Variants in MYOZ1 observed in about 807,000 individuals in gnomAD.
MYOZ1 encodes the protein myozenin 1.
Under a neutral mutation model 28.7 loss-of-function variants are expected in MYOZ1, and 20 were observed. That is an observed-to-expected ratio of 0.70 (90% CI 0.49 to 1.01). The LOEUF (loss-of-function observed/expected upper bound fraction) is 1.01, where lower values mean the gene tolerates loss of function less well. MYOZ1 is among the 50% of genes least tolerant of loss of function. The pLI is 0.00. For missense variants in MYOZ1, 371 were observed against 372.4 expected, an observed-to-expected ratio of 1.00 and a Z score of 0.03; for synonymous variants, 144 against 145.8, an observed-to-expected ratio of 0.99 and a Z score of 0.09.
intron 5 of MYOZ1, among the ~76,000 whole-genome samples, chr10:73,633,082 A>C (rs1157349201): frequency 6.6e-6 from 1 of 152,094 alleles, no homozygotes; most frequent in African/African-American, 2.4e-5. Flanking sequence ...AGATCACCTG[A>C]GGTCAGGAGT....
intron 3 of MYOZ1, 125 bp from the exon 4 acceptor site, chr10:73,634,858 C>T: frequency 8.8e-7 from 1 of 1,139,478 alleles, no homozygotes; most frequent in Non-Finnish European, 1.2e-6. Context: ...CTGATATTTC[C>T]CCCTCCAGTT....
chr10:73,631,832 A>G lies in MYOZ1; in HGVS notation c.*98T>C. The G allele has an allele frequency of 9.4e-7, 1 of 1,058,896 alleles. No homozygotes were observed. Among genetic ancestry groups the G allele is most frequent in the African/African-American group, 1.6e-5 (1 of 63,136 alleles). 65.6% of individuals were successfully genotyped at this position (1,058,896 alleles called of 1,614,324 possible). ...CTCTCCTTTTTCCCTCCATTCCCAT[A>G]AGGATACTGGATTAACAATGGGGGC... On this transcript the variant is annotated 3_prime_UTR_variant, in exon 6 of 6. Transcript: ENST00000359322.
intron 2 of MYOZ1, 140 bp downstream of exon 2, chr10:73,639,805 C>G: frequency 1.4e-6 from 1 of 728,648 alleles, no homozygotes; most frequent in East Asian, 2.8e-5. Context: ...TCTTAATCTT[C>G]CCTCTCCCAC....
At chr10:73,633,541 C>T (rs548524095) in intron 5 of MYOZ1, among the ~76,000 whole-genome samples, 20 of 151,760 alleles carry the variant, frequency 1.3e-4, no homozygotes, top group Admixed American at 1.1e-3. Context: ...CCTGCCTGGG[C>T]GATATAGCGA....
intron 3 of MYOZ1, among the ~76,000 whole-genome samples, chr10:73,636,461 AT>A (rs34952868): frequency 0.24 from 35,626 of 146,930 alleles, 5,960 homozygotes; most frequent in African/African-American, 0.47. Flanking sequence ...ACAAATTTTT[AT>A]TTTTTTTTTT....
At chr10:73,633,568 A>G (rs1270888092) in intron 5 of MYOZ1, among the ~76,000 whole-genome samples, 1 of 152,118 alleles carries the variant, frequency 6.6e-6, no homozygotes, top group Non-Finnish European at 1.5e-5. Context: ...ATTCTCCACA[A>G]AAAGGAAGCA....
At position 73,631,982 on chromosome 10, in the gene MYOZ1, T is replaced by C. The variant is rs201400123; in HGVS notation, c.848A>G (p.Asp283Gly). The C allele has an allele frequency of 1.9e-6, 3 of 1,614,074 alleles. No individual in the cohort carries two copies. Among genetic ancestry groups the C allele is most frequent in the Middle Eastern group, 1.7e-4 (1 of 6,052 alleles). Residue 283 changes from aspartate to glycine, a missense_variant, in exon 6 of 6, where the codon GAC becomes GGC. Asp to Gly is a moderately conservative substitution (Grantham distance 94). Transcript: ENST00000359322. ...IPWLSSGEPV[D>G]YNVDIGIPLD... Reference sequence around the variant, plus strand: ...GGGGATGCCAATATCCACGTTGTAGTCTACAGGCTCCCCAGAGCTCAGCCA... The same window carrying C: ...GGGGATGCCAATATCCACGTTGTAGCCTACAGGCTCCCCAGAGCTCAGCCA...
intron 2 of MYOZ1, among the ~76,000 whole-genome samples, chr10:73,638,951 C>A (rs2081686616): frequency 6.8e-6 from 1 of 148,016 alleles, no homozygotes; most frequent in South Asian, 2.2e-4. Flanking sequence ...CAGGCATGAG[C>A]CACCACGCCT....
intron 4 of MYOZ1, 29 bp downstream of exon 4, chr10:73,634,455 A>AC (rs1564983612): frequency 1.9e-6 from 3 of 1,612,184 alleles, no homozygotes; most frequent in Non-Finnish European, 8.5e-7. Context: ...TAGGGACCAA[A>AC]CACATTACTC....
Position 73,631,851 on chromosome 10 carries a change from TG to T in MYOZ1, c.*78del. 1.6e-6 allele frequency: 2 copies of T among 1,223,178 alleles called. No homozygotes were observed. The highest frequency in any genetic ancestry group is 2.4e-6 in the Non-Finnish European group (2 of 840,188). The allele number at this position is 1,223,178 out of a possible 1,614,324, so 75.8% of individuals were successfully genotyped here. A position where few individuals can be genotyped will look rare whatever the true frequency, so the allele number is the denominator to read the frequency against. ...TCCCATAAGGATACTGGATTAACAA[TG>T]GGGGCTATCTGCTCAGCATTCCCTC... is the stretch of plus-strand genomic sequence containing the variant. On this transcript the variant is annotated 3_prime_UTR_variant, in exon 6 of 6. Transcript: ENST00000359322.
intron 5 of MYOZ1, among the ~76,000 whole-genome samples, chr10:73,632,840 A>G (rs2081643051): frequency 1.3e-5 from 2 of 151,746 alleles, no homozygotes; most frequent in African/African-American, 2.4e-5. Context: ...CCTAGTGGAC[A>G]GTGGATAGCC....
At position 73,634,563 on chromosome 10, in the gene MYOZ1, A is replaced by G. The variant is rs112654892; in HGVS notation, c.423T>C (p.Ala141=). The G allele has an allele frequency of 8.5e-5, 138 of 1,614,096 alleles. 3 individuals carry two copies. The African/African-American group carries it at 1.3e-3, about 15-fold the overall frequency. The change falls in exon 4 of 6, where the codon GCT becomes GCC. Residue 141 remains alanine (A), a synonymous_variant. Coordinates refer to ENST00000359322, the MANE Select transcript of MYOZ1 (RefSeq NM_021245.4). ...QQHHLGSGSG[A]GGTGGPAGQA... ...GGCCCGCGGGACCACCTGTACCCCC[A>G]GCTCCAGACCCAGAGCCCAGATGGT...
chr10:73,637,961 G>A, intron 2 of MYOZ1, 39 bp from the exon 3 acceptor site: 1 of 1,582,584 alleles, frequency 6.3e-7, no homozygotes, highest in East Asian at 2.2e-5. Context: ...AGGGAAAGAG[G>A]AAAGTAGGGT....
chr10:73,634,590 C>T lies in MYOZ1; in HGVS notation c.396G>A (p.Gln132=). 6.2e-7 allele frequency: 1 copy of T among 1,614,166 alleles called. No individual in the cohort carries two copies. The stretch of plus-strand genomic sequence containing the variant: ...CTCCAGACCCAGAGCCCAGATGGTG[C>T]TGCTGATCAGAGCCATACTGTCCGG... ...GSAGQYGSDQ[Q]HHLGSGSGAG... The change falls in exon 4 of 6, where the codon CAG becomes CAA. Residue 132 remains glutamine, a synonymous_variant. Coordinates refer to ENST00000359322, the MANE Select transcript of MYOZ1 (RefSeq NM_021245.4).
chr10:73,634,165 G>A, intron 4 of MYOZ1, 100 bp from the exon 5 acceptor site: 1 of 1,332,742 alleles, frequency 7.5e-7, no homozygotes, highest in Non-Finnish European at 1.0e-6. Flanking sequence ...CAAGAGCCAG[G>A]GACTAAAGAT....
chr10:73,634,090 C>T (rs755121226), intron 4 of MYOZ1, 25 bp from the exon 5 acceptor site: 2 of 1,613,744 alleles, frequency 1.2e-6, no homozygotes, highest in South Asian at 2.2e-5. Flanking sequence ...AGAGAAAATT[C>T]AGTCAAATAA....
chr10:73,640,063 T>G lies in MYOZ1; in HGVS notation c.-18-28A>C. On this transcript the variant is annotated intron_variant, in intron 1 of 5. Coordinates refer to ENST00000359322, the MANE Select transcript of MYOZ1 (RefSeq NM_021245.4). Reference sequence around the variant, plus strand: ...GGACAGGGTGGGAAGGAGGAGTTGGTGGATGGACAGGGACTGGGAAGAGTG... The same window carrying G: ...GGACAGGGTGGGAAGGAGGAGTTGGGGGATGGACAGGGACTGGGAAGAGTG... 4 of 1,572,836 alleles carry G rather than the reference T, an allele frequency of 2.5e-6. No homozygotes were observed. In the South Asian group the frequency reaches 4.4e-5, roughly 17 times the overall value.
At chr10:73,638,005 C>A (rs2081678231) in intron 2 of MYOZ1, 83 bp from the exon 3 acceptor site, 1 of 1,287,492 alleles carries the variant, frequency 7.8e-7, no homozygotes, top group Non-Finnish European at 1.1e-6. Context: ...TCATCCACAA[C>A]TAAGTGTGTA....
At chr10:73,640,962 G>A (rs1314649417) in intron 1 of MYOZ1, among the ~76,000 whole-genome samples, 1 of 152,138 alleles carries the variant, frequency 6.6e-6, no homozygotes, top group Non-Finnish European at 1.5e-5. Context: ...AGGGTAGGGA[G>A]CATTCAAATC....
Sources: gnomAD v4.1 joint callset for allele counts (sites outside exome capture counted in the v4.1 genomes callset) on GRCh38, gnomAD v4.1.1 for gene constraint, MANE v1.5 for transcripts, NCBI Gene and HGNC (gene_info 2026-07-23, HGNC 2026-07-21) for gene names.